Variants in SUN5 observed in about 807,000 individuals in gnomAD.
SUN5 encodes the protein Sad1 and UNC84 domain containing 5.
In SUN5, 44 loss-of-function variants were observed where a neutral mutation model predicts 53.7. The ratio of observed to expected loss-of-function variants is 0.82; its 90% CI spans 0.64 to 1.05. The LOEUF (loss-of-function observed/expected upper bound fraction) is 1.05. Ranked by LOEUF, SUN5 falls within the 50% of genes least tolerant of loss-of-function variation. The pLI is 0.00. For synonymous variants in SUN5, 166 were observed against 179.8 expected (o/e 0.92, Z 0.62); for missense variants, 433 against 483.8 (o/e 0.90, Z 0.98).
chr20:32,995,541 A>G, intron 8 of SUN5, 78 bp downstream of exon 8: 1 of 1,259,870 alleles, frequency 7.9e-7, no homozygotes, highest in Non-Finnish European at 1.1e-6. Flanking sequence ...AAACCAAGAA[A>G]GAACACTTGA....
At chr20:32,997,370 G>A (rs1236098684) in intron 6 of SUN5, among the ~76,000 whole-genome samples, 1 of 152,196 alleles carries the variant, frequency 6.6e-6, no homozygotes, top group Non-Finnish European at 1.5e-5. Flanking sequence ...GTGGGGCCTT[G>A]AGAAAGGAGA....
At chr20:32,992,307 CAGAAATGAGAAA>C (rs1989730542) in intron 8 of SUN5, among the ~76,000 whole-genome samples, 1 of 152,164 alleles carries the variant, frequency 6.6e-6, no homozygotes, top group Admixed American at 6.5e-5. Context: ...ACTGATTTAG[CAGAAATGAGAAA>C]TCTGAATCCG....
chr20:32,999,252 T>G (rs1277659158), intron 5 of SUN5, among the ~76,000 whole-genome samples: 2 of 152,170 alleles, frequency 1.3e-5, no homozygotes, highest in Non-Finnish European at 2.9e-5. Context: ...TAGCAATAGA[T>G]AACCTGAAAA....
intron 8 of SUN5, among the ~76,000 whole-genome samples, chr20:32,993,369 TGGGG>T (rs1989756386): frequency 6.6e-6 from 1 of 152,184 alleles, no homozygotes; most frequent in Admixed American, 6.5e-5. Flanking sequence ...TTTAAATCTC[TGGGG>T]GTATTTGACG....
At chr20:32,990,140 A>T (rs2146327557) in intron 8 of SUN5, among the ~76,000 whole-genome samples, 1 of 152,156 alleles carries the variant, frequency 6.6e-6, no homozygotes, top group Middle Eastern at 3.4e-3. Flanking sequence ...TGCTCACCCT[A>T]TCCCCTCCCA....
intron 8 of SUN5, among the ~76,000 whole-genome samples, chr20:32,990,810 C>G (rs1014523495): frequency 6.6e-6 from 1 of 152,214 alleles, no homozygotes; most frequent in Non-Finnish European, 1.5e-5. Flanking sequence ...GGAACACAGA[C>G]AAGCCATCTC....
chr20:33,001,556 T>TTC (rs1202021498), intron 3 of SUN5, among the ~76,000 whole-genome samples: 4 of 138,820 alleles, frequency 2.9e-5, no homozygotes, highest in Non-Finnish European at 3.0e-5. Context: ...CTTTCTTTCT[T>TTC]TCTTTCTTTT....
rs1990132929 is a variant in SUN5, at chr20:33,004,419, T to C, written c.-79A>G. ...GGAGGAAGGGGCTGATGCCTCTGAA[T>C]GTCCCCTGAAAAGTGCCAAGTGGAA... On this transcript the variant is annotated 5_prime_UTR_variant, in exon 1 of 13. Coordinates refer to ENST00000356173, the MANE Select transcript of SUN5 (RefSeq NM_080675.4). 2 of 1,464,228 alleles carry C rather than the reference T, an allele frequency of 1.4e-6. No individual in the cohort carries two copies. The highest frequency in any genetic ancestry group is 2.6e-5 in the Admixed American group (1 of 39,096). The allele number at this position is 1,464,228 out of a possible 1,614,324, so 90.7% of individuals were successfully genotyped here.
chr20:32,985,111 C>T lies in SUN5; in HGVS notation c.972G>A (p.Met324Ile), dbSNP rs1266524680. The change falls in exon 12 of 13, where the codon ATG (methionine) becomes ATA (isoleucine). Residue 324 changes from methionine (M) to isoleucine (I), a missense_variant. Physicochemically the swap from Met to Ile is conservative, Grantham distance 10. Coordinates refer to ENST00000356173, the MANE Select transcript of SUN5 (RefSeq NM_080675.4). ...FQFQPENIIQ[M>I]FPLQNQPARA... ...TCTTCGCAGGTACCTGGAGTGGGAACATCTGGATGATGTTTTCTGGCTGAA... is the reference window on the plus strand; with the variant it reads ...TCTTCGCAGGTACCTGGAGTGGGAATATCTGGATGATGTTTTCTGGCTGAA... 5.6e-6 allele frequency: 9 copies of T among 1,614,018 alleles called. No individual in the cohort carries two copies. Among genetic ancestry groups the T allele is most frequent in the Non-Finnish European group, 6.8e-6 (8 of 1,180,000 alleles).
intron 7 of SUN5, among the ~76,000 whole-genome samples, chr20:32,996,069 C>A (rs555472022): frequency 2.0e-5 from 3 of 152,298 alleles, no homozygotes; most frequent in East Asian, 1.9e-4. Flanking sequence ...ATTCAAGACA[C>A]TTTGCATCTT....
chr20:32,991,232 T>C (rs1013172668), intron 8 of SUN5, among the ~76,000 whole-genome samples: 1 of 152,238 alleles, frequency 6.6e-6, no homozygotes, highest in Non-Finnish European at 1.5e-5. Flanking sequence ...GAGCTCTAGT[T>C]GATCCCCGAT....
rs571238023 is a variant in SUN5 at position 33,004,043 on chromosome 20, G to A, written c.77+221C>T. ...GTTCCCCGTCCTCTGTGCATTTCCC[G>A]GCACACAGTAGATGCTCAATAAATG... is the stretch of plus-strand genomic sequence containing the variant. On this transcript the variant is annotated intron_variant, in intron 1 of 12. Coordinates refer to ENST00000356173, the MANE Select transcript of SUN5 (RefSeq NM_080675.4). Among the ~76,000 whole-genome samples the A allele has an allele frequency of 8.5e-4, 130 of 152,246 alleles. 1 individual carries two copies. The highest frequency in any genetic ancestry group is 3.4e-3 in the Middle Eastern group (1 of 294).
At chr20:32,997,487 T>C in intron 6 of SUN5, 151 bp downstream of exon 6, 1 of 712,700 alleles carries the variant, frequency 1.4e-6, no homozygotes. Context: ...TCTAGGTGGA[T>C]GGTACGATGA....
intron 6 of SUN5, among the ~76,000 whole-genome samples, chr20:32,996,620 G>A (rs1255622085): frequency 4.1e-5 from 4 of 98,764 alleles, no homozygotes; most frequent in Non-Finnish European, 5.5e-5. Context: ...TTATCCATCT[G>A]TTCTTCCAAC....
At chr20:33,000,019 G>A in intron 5 of SUN5, 55 bp downstream of exon 5, 1 of 1,581,190 alleles carries the variant, frequency 6.3e-7, no homozygotes, top group Non-Finnish European at 8.6e-7. Context: ...CCTATAATCA[G>A]TGCCAGGGCC....
rs750943810 is a variant in SUN5, at chr20:32,998,831, CACA to C, written c.341-1147_341-1145del. ...GGGAGTTCTAGACCAAACCGGGCAA[CACA>C]ACAAGACTCAATCTCTCCAAAAAAA... On this transcript the variant is annotated intron_variant, in intron 5 of 12. Coordinates refer to ENST00000356173, the MANE Select transcript of SUN5 (RefSeq NM_080675.4). 6.5e-4 allele frequency among the ~76,000 whole-genome samples: 97 copies of C among 148,472 alleles called. 2 individuals carry two copies. Among genetic ancestry groups the C allele is most frequent in the South Asian group, 1.1e-3 (5 of 4,552 alleles).
At chr20:32,985,295 C>T in intron 11 of SUN5, 110 bp from the exon 12 acceptor site, 3 of 937,442 alleles carry the variant, frequency 3.2e-6, no homozygotes, top group East Asian at 4.9e-5. Context: ...AGCTCACTAC[C>T]TCTTTGGGCA....
chr20:33,002,821 A>G, intron 2 of SUN5, 40 bp downstream of exon 2: 1 of 1,613,036 alleles, frequency 6.2e-7, no homozygotes, highest in Non-Finnish European at 8.5e-7. Context: ...TCAGCCCCTC[A>G]GCTGCCCATG....
At chr20:32,989,971 G>A (rs73253080) in intron 8 of SUN5, among the ~76,000 whole-genome samples, 5,426 of 152,190 alleles carry the variant, frequency 0.036, 275 homozygotes, top group African/African-American at 0.11. Context: ...GGGCTCTGAC[G>A]TCAGGCCAAC....
Sources: allele counts gnomAD v4.1 joint callset (sites outside exome capture counted in the v4.1 genomes callset), GRCh38; gene constraint gnomAD v4.1.1; transcripts MANE v1.5; gene names NCBI Gene and HGNC (gene_info 2026-07-23, HGNC 2026-07-21).